Variants in TTC28 observed in about 807,000 individuals in gnomAD.
TTC28 encodes the protein tetratricopeptide repeat protein 28.
Under a neutral mutation model 198.0 loss-of-function variants are expected in TTC28, and 61 were observed. The ratio of observed to expected loss-of-function variants is 0.31; its 90% CI spans 0.25 to 0.38. TTC28 has a LOEUF of 0.38. Among genes scored for constraint, TTC28 ranks in the 10% least tolerant of loss-of-function variants. The pLI, the probability that TTC28 is intolerant of heterozygous loss-of-function variation, is 1.00. For synonymous variants in TTC28, 1,171 were observed against 1,297.8 expected, an observed-to-expected ratio of 0.90 and a Z score of 2.10; for missense variants, 2,678 against 3,164.0, an observed-to-expected ratio of 0.85 and a Z score of 3.69.
intron 5 of TTC28, among the ~76,000 whole-genome samples, chr22:28,281,812 C>G (rs1261777758): frequency 6.6e-6 from 1 of 152,188 alleles, no homozygotes; most frequent in Non-Finnish European, 1.5e-5. Flanking sequence ...TTCAGTTCTT[C>G]CAGCCTTACT....
At chr22:28,349,593 C>A (rs1432158634) in intron 2 of TTC28, among the ~76,000 whole-genome samples, 4 of 152,196 alleles carry the variant, frequency 2.6e-5, no homozygotes, top group African/African-American at 7.2e-5. Flanking sequence ...AGTTTCTATA[C>A]CTTACTGTGA....
rs528203138 is a variant in TTC28 at position 28,244,660 on chromosome 22, G to T, written c.933+51538C>A. Among the ~76,000 whole-genome samples, 82 of 152,298 alleles carry T rather than the reference G, an allele frequency of 5.4e-4. 1 individual carries two copies. The South Asian group carries it at 0.016, about 30-fold the overall frequency. On this transcript the variant is annotated intron_variant, in intron 5 of 22. Transcript: ENST00000397906. ...TCTCTTCCTCGAGTACTAAACGGCT[G>T]CTCTGAATTCTCAGCACCTCTGCTT...
intron 8 of TTC28, 140 bp downstream of exon 8, chr22:28,105,139 C>T: frequency 6.9e-6 from 6 of 864,582 alleles, no homozygotes; most frequent in Non-Finnish European, 1.1e-5. Context: ...TGGAGTTGAA[C>T]TGACAATGTG....
chr22:28,552,412 C>T (rs2049690366), intron 2 of TTC28, among the ~76,000 whole-genome samples: 1 of 151,984 alleles, frequency 6.6e-6, no homozygotes, highest in African/African-American at 2.4e-5. Flanking sequence ...AAAAAGAGCC[C>T]GCATAGCCAC....
At chr22:28,462,044 G>A (rs375788713) in intron 2 of TTC28, among the ~76,000 whole-genome samples, 121 of 152,148 alleles carry the variant, frequency 8.0e-4, no homozygotes, top group African/African-American at 2.6e-3. Context: ...TGATTGTTTC[G>A]TATTTGTTAG....
At chr22:28,636,988 G>T (rs2051283397) in intron 1 of TTC28, among the ~76,000 whole-genome samples, 1 of 147,660 alleles carries the variant, frequency 6.8e-6, no homozygotes, top group East Asian at 2.0e-4. Flanking sequence ...AGGAGTTTTA[G>T]AGTTTCAGGT....
At chr22:28,001,635 C>T (rs1937697914) in intron 14 of TTC28, 82 bp from the exon 15 acceptor site, 1 of 1,466,402 alleles carries the variant, frequency 6.8e-7, no homozygotes, top group African/African-American at 1.4e-5. Context: ...TGAGCCCTAG[C>T]CTGGATGACA....
In TTC28 at chr22:28,472,362, C is replaced by T. The variant is rs191766835; in HGVS notation, c.381+157190G>A. On this transcript the variant is annotated intron_variant, in intron 2 of 22. Coordinates refer to ENST00000397906, the MANE Select transcript of TTC28 (RefSeq NM_001145418.2). Reference sequence around the variant, plus strand: ...AGCAGTGGGAGTTATGAACCTTAAGCGGTGAAGAAATCATTCTTGGGGAGA... The same window carrying T: ...AGCAGTGGGAGTTATGAACCTTAAGTGGTGAAGAAATCATTCTTGGGGAGA... Among the ~76,000 whole-genome samples, 15 of 152,074 alleles carry T rather than the reference C, an allele frequency of 9.9e-5. No homozygotes were observed. The East Asian group carries it at 2.5e-3, about 25-fold the overall frequency.
intron 5 of TTC28, among the ~76,000 whole-genome samples, chr22:28,283,572 CT>C (rs2044625499): frequency 6.6e-6 from 1 of 152,094 alleles, no homozygotes; most frequent in Non-Finnish European, 1.5e-5. Context: ...CAAAAATAGT[CT>C]TTTCTTTTGG....
chr22:28,613,649 G>A (rs1391348479), intron 2 of TTC28, among the ~76,000 whole-genome samples: 3 of 151,638 alleles, frequency 2.0e-5, no homozygotes, highest in African/African-American at 7.3e-5. Context: ...TTCAACATAC[G>A]CAAATAAATA....
chr22:28,506,242 G>A (rs1367027960), intron 2 of TTC28, among the ~76,000 whole-genome samples: 1 of 151,722 alleles, frequency 6.6e-6, no homozygotes. Context: ...AACACAGACG[G>A]TCTGGATGAG....
chr22:28,188,919 C>T (rs1402219125), intron 5 of TTC28, among the ~76,000 whole-genome samples: 4 of 152,138 alleles, frequency 2.6e-5, no homozygotes, highest in Non-Finnish European at 5.9e-5. Flanking sequence ...TAGTGCCTCA[C>T]TCCTCATATG....
At chr22:28,635,903 ACTTATTTAT>A in intron 1 of TTC28, among the ~76,000 whole-genome samples, 1 of 152,088 alleles carries the variant, frequency 6.6e-6, no homozygotes, top group African/African-American at 2.4e-5. Context: ...GGTCTCCAGA[ACTTATTTAT>A]CTTATAGCTG....
chr22:28,476,246 T>C (rs1031846562), intron 2 of TTC28, among the ~76,000 whole-genome samples: 3 of 152,210 alleles, frequency 2.0e-5, no homozygotes, highest in Non-Finnish European at 4.4e-5. Flanking sequence ...AATAAAATAT[T>C]ATTTAGTTTT....
intron 5 of TTC28, among the ~76,000 whole-genome samples, chr22:28,186,690 C>T (rs1475495174): frequency 1.3e-5 from 2 of 152,120 alleles, no homozygotes; most frequent in Admixed American, 1.3e-4. Context: ...TGTAGTTTTA[C>T]GGAAACCTCA....
At chr22:28,655,006 T>C (rs2051621545) in intron 1 of TTC28, among the ~76,000 whole-genome samples, 1 of 152,234 alleles carries the variant, frequency 6.6e-6, no homozygotes. Flanking sequence ...TTAAATATGG[T>C]TAGTTCATAT....
intron 3 of TTC28, among the ~76,000 whole-genome samples, chr22:28,298,621 A>G (rs569729123): frequency 6.6e-6 from 1 of 151,982 alleles, no homozygotes; most frequent in Non-Finnish European, 1.5e-5. Context: ...GCTAATTTTC[A>G]AAAAATTTTT....
intron 1 of TTC28, among the ~76,000 whole-genome samples, chr22:28,641,957 C>T (rs1158800746): frequency 6.6e-6 from 1 of 152,056 alleles, no homozygotes; most frequent in Non-Finnish European, 1.5e-5. Flanking sequence ...ATAAATTACC[C>T]ATTCTGATTC....
chr22:28,243,174 C>CAAAAAAAAAAAAAAAAAAAAAAAAAAAA (rs754700795), intron 5 of TTC28, among the ~76,000 whole-genome samples: 1 of 68,336 alleles, frequency 1.5e-5, no homozygotes, highest in Non-Finnish European at 2.6e-5. Flanking sequence ...CCCCTCTCTA[C>CAAAAAAAAAAAAAAAAAAAAAAAAAAAA]AAAAAAAAAA....
Sources: allele counts gnomAD v4.1 joint callset (sites outside exome capture counted in the v4.1 genomes callset), GRCh38; gene constraint gnomAD v4.1.1; transcripts MANE v1.5; gene names NCBI Gene and HGNC (gene_info 2026-07-23, HGNC 2026-07-21).